STXBP5L: variants seen among roughly 807,000 people sequenced by gnomAD.
STXBP5L encodes the protein syntaxin binding protein 5L, also known as syntaxin-binding protein 5-like.
In STXBP5L, 65 loss-of-function variants were observed where a neutral mutation model predicts 144.5. The ratio of observed to expected loss-of-function variants is 0.45; its 90% CI spans 0.37 to 0.55. The LOEUF (loss-of-function observed/expected upper bound fraction) is 0.55, where lower values mean the gene tolerates loss of function less well. Among genes scored for constraint, STXBP5L ranks in the 20% least tolerant of loss-of-function variants. STXBP5L has a pLI of 0.00. For synonymous variants in STXBP5L, 505 were observed against 469.6 expected (o/e 1.08, Z -0.97); for missense variants, 1,298 against 1,405.5 (o/e 0.92, Z 1.22).
intron 4 of STXBP5L, among the ~76,000 whole-genome samples, chr3:121,043,661 A>G (rs906599521): frequency 1.3e-5 from 2 of 152,172 alleles, no homozygotes; most frequent in Non-Finnish European, 2.9e-5. Context: ...GTGAGCTAAG[A>G]TCGCACCACT....
intron 7 of STXBP5L, among the ~76,000 whole-genome samples, chr3:121,137,345 G>GA (rs1222947838): frequency 5.3e-5 from 8 of 152,052 alleles, no homozygotes; most frequent in South Asian, 2.1e-4. Flanking sequence ...AATCAGAGAT[G>GA]AAAAAAAGTT....
chr3:121,023,857 G>A (rs1451359206), intron 3 of STXBP5L, among the ~76,000 whole-genome samples: 3 of 152,066 alleles, frequency 2.0e-5, no homozygotes, highest in Non-Finnish European at 2.9e-5. Flanking sequence ...CCGGGTTCAC[G>A]CCATTCTCCT....
intron 14 of STXBP5L, among the ~76,000 whole-genome samples, chr3:121,245,763 A>T (rs562516899): frequency 6.6e-6 from 1 of 152,324 alleles, no homozygotes; most frequent in African/African-American, 2.4e-5. Context: ...ATGTATGAAC[A>T]TAACAACAGA....
At chr3:120,998,847 A>G (rs984802433) in intron 3 of STXBP5L, among the ~76,000 whole-genome samples, 2 of 152,204 alleles carry the variant, frequency 1.3e-5, no homozygotes, top group African/African-American at 4.8e-5. Flanking sequence ...ATTACAAAAT[A>G]TTGCTGAATG....
At chr3:121,107,084 ATTCT>A (rs910053992) in intron 5 of STXBP5L, among the ~76,000 whole-genome samples, 4 of 151,054 alleles carry the variant, frequency 2.6e-5, no homozygotes, top group African/African-American at 2.4e-5. Context: ...TTTTTAATGG[ATTCT>A]TTGTTTTTTT....
chr3:121,136,353 TC>T (rs1333068831), intron 7 of STXBP5L, among the ~76,000 whole-genome samples: 1 of 152,068 alleles, frequency 6.6e-6, no homozygotes, highest in Non-Finnish European at 1.5e-5. Context: ...AGGCAGAGCC[TC>T]TAGACCTGCC....
chr3:121,095,770 CCTT>C (rs71619792), intron 5 of STXBP5L, among the ~76,000 whole-genome samples: 14,057 of 152,166 alleles, frequency 0.092, 1,211 homozygotes, highest in East Asian at 0.48. Context: ...TCGTCTGAAG[CCTT>C]CTTCTCTCAA....
At chr3:120,956,802 C>A (rs1024964551) in intron 3 of STXBP5L, among the ~76,000 whole-genome samples, 21 of 151,810 alleles carry the variant, frequency 1.4e-4, no homozygotes, top group Non-Finnish European at 2.8e-4. Context: ...ATAGTAATTG[C>A]CCTTTGATGC....
intron 3 of STXBP5L, among the ~76,000 whole-genome samples, chr3:121,021,585 A>G (rs1167890660): frequency 1.3e-5 from 2 of 152,202 alleles, no homozygotes; most frequent in Non-Finnish European, 2.9e-5. Context: ...TTATAGTGGA[A>G]TATAACTGGA....
At chr3:120,956,417 AGC>A (rs1938043021) in intron 3 of STXBP5L, among the ~76,000 whole-genome samples, 1 of 151,912 alleles carries the variant, frequency 6.6e-6, no homozygotes, top group Non-Finnish European at 1.5e-5. Context: ...TATAAGTGAA[AGC>A]ATACAGTATT....
intron 23 of STXBP5L, among the ~76,000 whole-genome samples, chr3:121,409,095 G>A (rs1030711011): frequency 6.6e-6 from 1 of 151,814 alleles, no homozygotes; most frequent in African/African-American, 2.4e-5. Context: ...ATATGTGGAA[G>A]GTCCAGCTTT....
intron 20 of STXBP5L, among the ~76,000 whole-genome samples, chr3:121,323,294 G>T (rs563270125): frequency 6.6e-6 from 1 of 152,164 alleles, no homozygotes; most frequent in Admixed American, 6.6e-5. Flanking sequence ...TGTTTCCTAG[G>T]TTTTCTTCTA....
intron 20 of STXBP5L, among the ~76,000 whole-genome samples, chr3:121,372,474 A>G (rs1018889192): frequency 6.6e-6 from 1 of 152,092 alleles, no homozygotes; most frequent in African/African-American, 2.4e-5. Context: ...TTCCCTGCCA[A>G]TTCAGATGTC....
intron 22 of STXBP5L, among the ~76,000 whole-genome samples, chr3:121,391,496 G>T (rs1371838178): frequency 6.6e-6 from 1 of 152,134 alleles, no homozygotes; most frequent in African/African-American, 2.4e-5. Flanking sequence ...CAGCTTTTCT[G>T]CTCTGGTTTC....
intron 19 of STXBP5L, among the ~76,000 whole-genome samples, chr3:121,316,842 C>A (rs2043804974): frequency 6.6e-6 from 1 of 152,162 alleles, no homozygotes; most frequent in Admixed American, 6.5e-5. Context: ...TTTCTCTGCC[C>A]ATTTTTTCAC....
intron 9 of STXBP5L, among the ~76,000 whole-genome samples, chr3:121,192,084 C>T (rs1404494747): frequency 5.3e-5 from 8 of 151,812 alleles, no homozygotes; most frequent in South Asian, 2.1e-4. Flanking sequence ...AGCCTAGAAC[C>T]GAAAGTATAA....
At chr3:121,229,843 C>T (rs2049245731) in intron 11 of STXBP5L, among the ~76,000 whole-genome samples, 1 of 152,132 alleles carries the variant, frequency 6.6e-6, no homozygotes, top group African/African-American at 2.4e-5. Flanking sequence ...CTTGAGTCAC[C>T]ATGCTTGGCC....
rs1711354762 is a variant in STXBP5L, at chr3:120,952,809, T to G, written c.190-2131T>G. On this transcript the variant is annotated intron_variant, in intron 2 of 26. Coordinates refer to ENST00000471454, the MANE Select transcript of STXBP5L (RefSeq NM_001308330.2). ...AGGGTGTGTACAATTTTTAAAATTTTTTCCGTATAGTTTCTTTTGTACCCT... is the reference window on the plus strand; with the variant it reads ...AGGGTGTGTACAATTTTTAAAATTTGTTCCGTATAGTTTCTTTTGTACCCT... 1.3e-5 allele frequency among the ~76,000 whole-genome samples: 2 copies of G among 152,096 alleles called. 1 individual carries two copies. The highest frequency in any genetic ancestry group is 4.1e-4 in the South Asian group (2 of 4,830).
chr3:121,348,449 TATCAGGATG>T (rs2045106003), intron 20 of STXBP5L, among the ~76,000 whole-genome samples: 2 of 152,114 alleles, frequency 1.3e-5, no homozygotes, highest in African/African-American at 4.8e-5. Context: ...CAGGCTTTGG[TATCAGGATG>T]ATGCTGGCCT....
Sources: allele counts gnomAD v4.1 joint callset (sites outside exome capture counted in the v4.1 genomes callset), GRCh38; gene constraint gnomAD v4.1.1; transcripts MANE v1.5; gene names NCBI Gene and HGNC (gene_info 2026-07-23, HGNC 2026-07-21).